The following FBXO21 variants were observed in gnomAD, a reference collection of about 807,000 sequenced individuals.
FBXO21 encodes F-box only protein 21.
Under a neutral mutation model 76.6 loss-of-function variants are expected in FBXO21, and 32 were observed. The ratio of observed to expected loss-of-function variants is 0.42; its 90% CI spans 0.32 to 0.56. The LOEUF is 0.56. Among genes scored for constraint, FBXO21 ranks in the 20% least tolerant of loss-of-function variants. The pLI is 0.16. For synonymous variants in FBXO21, 328 were observed against 311.5 expected, an observed-to-expected ratio of 1.05 and a Z score of -0.56; for missense variants, 586 against 797.3, an observed-to-expected ratio of 0.73 and a Z score of 3.19.
chr12:117,155,598 C>T (rs915708278), intron 11 of FBXO21, 193 bp downstream of exon 11: 1 of 646,954 alleles, frequency 1.5e-6, no homozygotes, highest in African/African-American at 1.8e-5. Context: ...GACTACTGAC[C>T]CCTCGCCAGG....
chr12:117,159,306 G>A, intron 9 of FBXO21, among the ~76,000 whole-genome samples: 1 of 125,454 alleles, frequency 8.0e-6, no homozygotes, highest in South Asian at 2.8e-4. Context: ...GGGAGGATTA[G>A]GTGGAAAAAA....
rs1285478781 is a variant in FBXO21, at chr12:117,155,822, C to T, written c.1644G>A (p.Val548=). ...GHHQPFYNVL[V]EDGSCRYAAQ... ...CTGCGTATCGACAGGAGCCGTCCTC[C>T]ACCAGCACGTTATAGAAAGGCTGGT... is the stretch of plus-strand genomic sequence containing the variant. The change falls in exon 11 of 12, where the codon GTG becomes GTA. Residue 548 remains valine, a synonymous_variant. Coordinates refer to ENST00000622495, the MANE Select transcript of FBXO21 (RefSeq NM_015002.3). 3.7e-6 allele frequency: 6 copies of T among 1,613,984 alleles called. No individual in the cohort carries two copies. Among genetic ancestry groups the T allele is most frequent in the Non-Finnish European group, 5.1e-6 (6 of 1,179,962 alleles).
At chr12:117,171,424 G>A (rs537265870) in intron 7 of FBXO21, among the ~76,000 whole-genome samples, 1 of 151,784 alleles carries the variant, frequency 6.6e-6, no homozygotes, top group African/African-American at 2.4e-5. Context: ...CTCTGGAGAG[G>A]AGAAAGGGAT....
chr12:117,148,744 AAC>A (rs545384114), intron 11 of FBXO21, among the ~76,000 whole-genome samples: 8 of 152,222 alleles, frequency 5.3e-5, no homozygotes, highest in Non-Finnish European at 1.2e-4. Context: ...AGAAAAATCC[AAC>A]AGTCAGGAGA....
chr12:117,170,888 T>C (rs759721906), intron 7 of FBXO21, among the ~76,000 whole-genome samples: 1 of 152,062 alleles, frequency 6.6e-6, no homozygotes, highest in African/African-American at 2.4e-5. Context: ...GTTGGGTTAT[T>C]TGGGGAGAGG....
At chr12:117,171,116 C>A (rs1015183548) in intron 7 of FBXO21, among the ~76,000 whole-genome samples, 1 of 152,072 alleles carries the variant, frequency 6.6e-6, no homozygotes, top group Non-Finnish European at 1.5e-5. Flanking sequence ...GTAATCCCAG[C>A]ACCTTGGGAG....
chr12:117,189,674 G>A (rs1261542385), intron 1 of FBXO21, among the ~76,000 whole-genome samples: 1 of 151,964 alleles, frequency 6.6e-6, no homozygotes, highest in Non-Finnish European at 1.5e-5. Flanking sequence ...CCCTGCGTGC[G>A]TGCCTCCCGG....
rs750145431 is a variant in FBXO21, at chr12:117,166,987, G to A, written c.1104C>T (p.Gly368=). 3 of 1,613,988 alleles carry A rather than the reference G, an allele frequency of 1.9e-6. No homozygotes were observed. The highest frequency in any genetic ancestry group is 2.5e-6 in the Non-Finnish European group (3 of 1,179,910). Residue 368 remains glycine (G), a synonymous_variant, in exon 8 of 12, where the codon GGC becomes GGT. Transcript: ENST00000622495. ...CATACAGTGCTGCAGTCACGTGCTG[G>A]CCGATCAAGTACTCGCATTCTTTCA... ...LTVKECEYLI[G]QHVTAALYGV...
At chr12:117,164,436 C>T (rs534903281) in intron 9 of FBXO21, among the ~76,000 whole-genome samples, 2 of 152,194 alleles carry the variant, frequency 1.3e-5, no homozygotes, top group African/African-American at 4.8e-5. Context: ...ACCACCACGC[C>T]CAGCTAATTT....
In FBXO21 at chr12:117,167,071, G is replaced by T. The variant is rs1456547762; in HGVS notation, c.1020C>A (p.Thr340=). The change falls in exon 8 of 12, where the codon ACC becomes ACA. Residue 340 remains threonine (T), a synonymous_variant. Transcript: ENST00000622495. ...TGTAGATGTAGTCAAAGATGTCCAG[G>T]GTCGCCCTATCCAAAGAGCCAAATA... ...LRWCQGAEGA[T]LDIFDYIYID... 1 of 1,613,598 alleles carries T rather than the reference G, an allele frequency of 6.2e-7. No homozygotes were observed. The highest frequency in any genetic ancestry group is 8.5e-7 in the Non-Finnish European group (1 of 1,179,900).
At chr12:117,147,467 C>T (rs1391153385) in intron 11 of FBXO21, among the ~76,000 whole-genome samples, 4 of 150,160 alleles carry the variant, frequency 2.7e-5, no homozygotes, top group African/African-American at 4.9e-5. Flanking sequence ...GGCGTCATGG[C>T]GGGCGTCTGT....
At chr12:117,174,573 A>G (rs773595217) in intron 5 of FBXO21, 78 bp downstream of exon 5, 7 of 1,508,956 alleles carry the variant, frequency 4.6e-6, no homozygotes, top group African/African-American at 1.4e-5. Flanking sequence ...ATGGCAGCAC[A>G]CTAACAAATC....
At chr12:117,160,081 T>C (rs1955960843) in intron 9 of FBXO21, among the ~76,000 whole-genome samples, 1 of 152,192 alleles carries the variant, frequency 6.6e-6, no homozygotes, top group Admixed American at 6.5e-5. Context: ...CATTTCCCTA[T>C]ACTGCTCTTC....
chr12:117,146,397 C>A, intron 11 of FBXO21, 120 bp from the exon 12 acceptor site: 4 of 760,712 alleles, frequency 5.3e-6, no homozygotes, highest in Non-Finnish European at 8.7e-6. Context: ...GAAGGGAAGA[C>A]TGAAGATGTT....
At position 117,151,758 on chromosome 12, in the gene FBXO21, G is replaced by A. The variant is rs535342929; in HGVS notation, c.1675+4033C>T. 5.3e-5 allele frequency among the ~76,000 whole-genome samples: 8 copies of A among 152,232 alleles called. No individual in the cohort carries two copies. In the South Asian group the frequency reaches 1.5e-3, roughly 28 times the overall value. On this transcript the variant is annotated intron_variant, in intron 11 of 11. Transcript: ENST00000622495. The stretch of plus-strand genomic sequence containing the variant: ...AGGGGAGGAGAGAGGGAGGGGGAAG[G>A]GAGAGGCAGGGAGGAAGAAGGCGGC...
At position 117,144,310 on chromosome 12, in the gene FBXO21, T is replaced by C. The variant is rs1452357779; in HGVS notation, c.*1777A>G. 1 of 152,206 alleles carries C rather than the reference T, an allele frequency of 6.6e-6. No individual in the cohort carries two copies. The highest frequency in any genetic ancestry group is 1.5e-5 in the Non-Finnish European group (1 of 68,034). The allele number at this position is 152,206 out of a possible 1,614,324, so 9.4% of individuals were successfully genotyped here. On this transcript the variant is annotated 3_prime_UTR_variant, in exon 12 of 12. Coordinates refer to ENST00000622495, the MANE Select transcript of FBXO21 (RefSeq NM_015002.3). ...AAGTAGTGTACAATCCTCCCAACCT[T>C]GGCGGGCCAGGTGCTGTGAGTGGTT...
At position 117,190,323 on chromosome 12, in the gene FBXO21, C is replaced by T; in HGVS notation, c.134G>A (p.Gly45Asp). Reference sequence around the variant, plus strand: ...GCCGATGTCGGCGGCCGTCAGCGAGCCGCAGCACAGGATGTACTCCAGCAC... The same window carrying T: ...GCCGATGTCGGCGGCCGTCAGCGAGTCGCAGCACAGGATGTACTCCAGCAC... ...GEVLEYILCC[G>D]SLTAADIGRV... is the part of the protein sequence containing the mutation. Residue 45 changes from glycine to aspartate, a missense_variant, in exon 1 of 12, where the codon GGC becomes GAC. Physicochemically the swap from Gly to Asp is moderately conservative, Grantham distance 94. Coordinates refer to ENST00000622495, the MANE Select transcript of FBXO21 (RefSeq NM_015002.3). The T allele has an allele frequency of 6.5e-7, 1 of 1,539,770 alleles. No homozygotes were observed.
chr12:117,163,323 AG>A (rs1238863852), intron 9 of FBXO21, among the ~76,000 whole-genome samples: 2 of 152,090 alleles, frequency 1.3e-5, no homozygotes, highest in African/African-American at 4.8e-5. Context: ...ACTTGAGGTC[AG>A]GAGTTCAAGA....
At position 117,176,468 on chromosome 12, in the gene FBXO21, T is replaced by C. The variant is rs549363825; in HGVS notation, c.592+1052A>G. On this transcript the variant is annotated intron_variant, in intron 4 of 11. Coordinates refer to ENST00000622495, the MANE Select transcript of FBXO21 (RefSeq NM_015002.3). ...CGGAGCAAAGGTCTGGACCAGATTATGCAGGGCATTGAAAAGCAGGTAGAG... is the reference window on the plus strand; with the variant it reads ...CGGAGCAAAGGTCTGGACCAGATTACGCAGGGCATTGAAAAGCAGGTAGAG... Among the ~76,000 whole-genome samples the C allele has an allele frequency of 4.1e-4, 62 of 152,290 alleles. No individual in the cohort carries two copies. In the South Asian group the frequency reaches 0.011, roughly 27 times the overall value.
Sources: allele counts gnomAD v4.1 joint callset (sites outside exome capture counted in the v4.1 genomes callset), GRCh38; gene constraint gnomAD v4.1.1; transcripts MANE v1.5; gene names NCBI Gene and HGNC (gene_info 2026-07-23, HGNC 2026-07-21).